Variants in MPPED2 observed in about 807,000 individuals in gnomAD.
MPPED2 encodes the protein metallophosphoesterase MPPED2.
A neutral mutation model predicts 33.0 loss-of-function variants in MPPED2; 5 were observed. The observed-to-expected ratio is 0.15, with a 90% CI of 0.08 to 0.32. The LOEUF is 0.32. MPPED2 is among the 10% of genes least tolerant of loss of function. The probability of loss-of-function intolerance (pLI) is 1.00; values close to 1 mark genes in which losing one functional copy is unlikely to be tolerated. For missense variants in MPPED2, 275 were observed against 372.1 expected, an observed-to-expected ratio of 0.74 and a Z score of 2.15; for synonymous variants, 136 against 141.9, an observed-to-expected ratio of 0.96 and a Z score of 0.29.
intron 4 of MPPED2, among the ~76,000 whole-genome samples, chr11:30,464,141 C>T (rs1051004509): frequency 2.6e-5 from 4 of 151,966 alleles, no homozygotes; most frequent in Non-Finnish European, 4.4e-5. Context: ...AATACATCAG[C>T]TTGTTTAAGT....
chr11:30,425,785 A>T (rs1948811494), intron 4 of MPPED2, among the ~76,000 whole-genome samples: 1 of 152,188 alleles, frequency 6.6e-6, no homozygotes, highest in Non-Finnish European at 1.5e-5. Context: ...AGCAGCCCCC[A>T]GTGGGACCTG....
intron 4 of MPPED2, among the ~76,000 whole-genome samples, chr11:30,427,359 C>G (rs1382752017): frequency 1.3e-5 from 2 of 152,142 alleles, no homozygotes; most frequent in African/African-American, 4.8e-5. Flanking sequence ...GTTGCTAATA[C>G]TGGTTTCTTT....
rs1369384306 is a variant in MPPED2, at chr11:30,423,529, T to TA, written c.537-5897dup. 9.2e-5 allele frequency among the ~76,000 whole-genome samples: 14 copies of TA among 151,906 alleles called. No homozygotes were observed. The Admixed American group carries it at 9.2e-4, about 10-fold the overall frequency. ...GGCAGGTTGGCTGTGCCAGTTAGCG[T>TA]AACGAGCACCTGCAGGCTCTTTAAA... On this transcript the variant is annotated intron_variant, in intron 4 of 6. Coordinates refer to ENST00000358117, the MANE Select transcript of MPPED2 (RefSeq NM_001584.3).
Position 30,411,489 on chromosome 11 carries a change from A to G in MPPED2, c.864T>C (p.Leu288=), listed in dbSNP as rs1300711098. ...AGCTTCAGGAACCCTGTGGGTTTGG[A>G]AGGTCAAATATAATTGGAGGGTTGG... ...QPTNPPIIFD[L]PNPQGS Residue 288 remains leucine (L), a synonymous_variant, in exon 7 of 7, where the codon CTT becomes CTC. Transcript: ENST00000358117. 2.5e-6 allele frequency: 4 copies of G among 1,613,464 alleles called. No homozygotes were observed. In the East Asian group the frequency reaches 8.9e-5, roughly 36 times the overall value.
chr11:30,487,557 T>C (rs1369929641), intron 4 of MPPED2, among the ~76,000 whole-genome samples: 1 of 152,050 alleles, frequency 6.6e-6, no homozygotes, highest in Non-Finnish European at 1.5e-5. Context: ...TCACGGCTCA[T>C]TGCAACATCG....
At chr11:30,583,156 T>C (rs1160905944) in intron 1 of MPPED2, among the ~76,000 whole-genome samples, 1 of 93,326 alleles carries the variant, frequency 1.1e-5, no homozygotes, top group South Asian at 3.6e-4. Flanking sequence ...TTTTTTTTTT[T>C]TTTTTTTTTG....
rs750810592 is a variant in MPPED2 at position 30,411,576 on chromosome 11, G to T, written c.777C>A (p.Ile259=). ...TGTACGTTGTGTAACCGTCGGTCAT[G>T]ATGCCATAACCTGTGGGGAGAGCGT... The part of the protein sequence containing the change: ...VFGGIHEGYG[I]MTDGYTTYIN... Residue 259 remains isoleucine (I), a synonymous_variant, in exon 7 of 7, where the codon ATC becomes ATA. Transcript: ENST00000358117. 5.0e-6 allele frequency: 8 copies of T among 1,613,280 alleles called. No individual in the cohort carries two copies. Among genetic ancestry groups the T allele is most frequent in the Non-Finnish European group, 6.8e-6 (8 of 1,179,384 alleles).
chr11:30,520,755 G>A (rs2134372493), intron 3 of MPPED2, among the ~76,000 whole-genome samples: 1 of 152,204 alleles, frequency 6.6e-6, no homozygotes, highest in Non-Finnish European at 1.5e-5. Context: ...TTAAAAAATA[G>A]GGGAGAATTT....
intron 6 of MPPED2, among the ~76,000 whole-genome samples, chr11:30,390,380 G>A (rs557950745): frequency 3.9e-5 from 6 of 152,300 alleles, no homozygotes; most frequent in African/African-American, 1.4e-4. Context: ...GTCTCTTTAA[G>A]GAAAAGTTAC....
At chr11:30,471,230 T>A (rs918484015) in intron 4 of MPPED2, among the ~76,000 whole-genome samples, 5 of 152,234 alleles carry the variant, frequency 3.3e-5, no homozygotes, top group Non-Finnish European at 7.3e-5. Context: ...ATCTTGTTCC[T>A]GGACAATTAT....
chr11:30,584,991 G>C (rs909459172), intron 1 of MPPED2: 1 of 152,436 alleles, frequency 6.6e-6, no homozygotes, highest in Admixed American at 6.5e-5. Flanking sequence ...TGGGGTGTGT[G>C]TGTGAGAGGG....
chr11:30,407,619 C>T (rs1467784389), downstream of MPPED2, among the ~76,000 whole-genome samples: 1 of 152,210 alleles, frequency 6.6e-6, no homozygotes, highest in Non-Finnish European at 1.5e-5. Context: ...GGCCAGTAAT[C>T]CCAGAACTTT....
At chr11:30,564,790 C>T (rs1473643087) in intron 2 of MPPED2, among the ~76,000 whole-genome samples, 1 of 152,058 alleles carries the variant, frequency 6.6e-6, no homozygotes, top group Non-Finnish European at 1.5e-5. Flanking sequence ...ACCAAGAGAC[C>T]AAAATGAGGG....
intron 4 of MPPED2, among the ~76,000 whole-genome samples, chr11:30,443,179 A>T (rs1034098479): frequency 6.6e-6 from 1 of 152,136 alleles, no homozygotes; most frequent in Non-Finnish European, 1.5e-5. Flanking sequence ...ATGCTACTTT[A>T]AAAAAATAAT....
intron 4 of MPPED2, among the ~76,000 whole-genome samples, chr11:30,435,432 ACT>A (rs1949280565): frequency 6.6e-6 from 1 of 152,064 alleles, no homozygotes; most frequent in South Asian, 2.1e-4. Context: ...GAAACAGAAA[ACT>A]CTGAACCAGT....
chr11:30,503,546 T>A (rs1952667932), intron 3 of MPPED2, among the ~76,000 whole-genome samples: 1 of 152,146 alleles, frequency 6.6e-6, no homozygotes, highest in Non-Finnish European at 1.5e-5. Flanking sequence ...GCAAGGCTAA[T>A]TGATTACTAT....
intron 4 of MPPED2, among the ~76,000 whole-genome samples, chr11:30,449,570 G>T (rs1949961565): frequency 6.7e-6 from 1 of 150,032 alleles, no homozygotes; most frequent in Non-Finnish European, 1.5e-5. Flanking sequence ...CTGAGCCCGG[G>T]AAGTAGAGGC....
chr11:30,570,102 A>G (rs1956625824), intron 2 of MPPED2, among the ~76,000 whole-genome samples: 2 of 152,034 alleles, frequency 1.3e-5, no homozygotes, highest in Admixed American at 1.3e-4. Context: ...TTGAGATGCT[A>G]TTAACAAAAT....
exon 7 of MPPED2, chr11:30,388,910 A>G: frequency 6.4e-7 from 1 of 1,567,456 alleles, no homozygotes; most frequent in South Asian, 1.2e-5. Flanking sequence ...TTGAAGGCAG[A>G]GAACATATTT....
Sources: allele counts gnomAD v4.1 joint callset (sites outside exome capture counted in the v4.1 genomes callset), GRCh38; gene constraint gnomAD v4.1.1; transcripts MANE v1.5; gene names NCBI Gene and HGNC (gene_info 2026-07-23, HGNC 2026-07-21).